TRIM44: variants seen among roughly 807,000 people sequenced by gnomAD.
TRIM44 encodes tripartite motif-containing protein 44.
A neutral mutation model predicts 37.4 loss-of-function variants in TRIM44; 13 were observed. The observed-to-expected ratio is 0.35, with a 90% CI of 0.23 to 0.55. The LOEUF is 0.55. Ranked by LOEUF, TRIM44 falls within the 20% of genes least tolerant of loss-of-function variation. The pLI is 0.89. For missense variants in TRIM44, 426 were observed against 437.2 expected (o/e 0.97, Z 0.23); for synonymous variants, 175 against 157.2 (o/e 1.11, Z -0.85).
rs146595417 is a variant in TRIM44, at chr11:35,752,154, T to C, written c.1007+16709T>C. On this transcript the variant is annotated intron_variant, in intron 4 of 4. Transcript: ENST00000299413. ...GAGGAATTATTCCCAATATCTTTCT[T>C]TTTTTTTTTGCATTCCACATCCAGT... Among the ~76,000 whole-genome samples, 279 of 149,638 alleles carry C rather than the reference T, an allele frequency of 1.9e-3. 2 individuals carry two copies. The highest frequency in any genetic ancestry group is 6.5e-3 in the African/African-American group (267 of 41,142).
At chr11:35,760,115 C>G (rs1283821786) in intron 4 of TRIM44, among the ~76,000 whole-genome samples, 2 of 152,208 alleles carry the variant, frequency 1.3e-5, no homozygotes, top group Non-Finnish European at 2.9e-5. Flanking sequence ...GGCAGGCAGG[C>G]CTCCTTGAGC....
In TRIM44 at chr11:35,664,661, C is replaced by T. The variant is rs142011997; in HGVS notation, c.669+881C>T. On this transcript the variant is annotated intron_variant, in intron 1 of 4. Coordinates refer to ENST00000299413, the MANE Select transcript of TRIM44 (RefSeq NM_017583.6). ...TAACAAATACCTTGAGAGTGAAGAT[C>T]CTCTGTATTAGGTTTTCCCTTTTTT... 3.9e-5 allele frequency among the ~76,000 whole-genome samples: 6 copies of T among 152,258 alleles called. No individual in the cohort carries two copies. In the East Asian group the frequency reaches 7.7e-4, roughly 20 times the overall value.
At chr11:35,682,421 G>C (rs1851530276) in intron 1 of TRIM44, among the ~76,000 whole-genome samples, 1 of 152,162 alleles carries the variant, frequency 6.6e-6, no homozygotes, top group South Asian at 2.1e-4. Flanking sequence ...ATTGGGGCCA[G>C]AGTCCTCCAT....
intron 4 of TRIM44, among the ~76,000 whole-genome samples, chr11:35,771,227 G>A (rs1449393223): frequency 6.6e-6 from 1 of 152,204 alleles, no homozygotes; most frequent in Non-Finnish European, 1.5e-5. Flanking sequence ...CCAGACTGAG[G>A]TGGTCTCATA....
chr11:35,778,312 C>G (rs1227833569), intron 4 of TRIM44, among the ~76,000 whole-genome samples: 5 of 152,184 alleles, frequency 3.3e-5, no homozygotes, highest in Admixed American at 2.0e-4. Flanking sequence ...TCCATCAGGT[C>G]ATTTAAGGTG....
intron 4 of TRIM44, among the ~76,000 whole-genome samples, chr11:35,786,782 G>A (rs1210645033): frequency 2.6e-5 from 4 of 152,064 alleles, no homozygotes; most frequent in Non-Finnish European, 4.4e-5. Flanking sequence ...CGGTGTTAGC[G>A]AAAGGTTTCC....
At chr11:35,793,196 C>T (rs958194434) in intron 4 of TRIM44, among the ~76,000 whole-genome samples, 5 of 149,076 alleles carry the variant, frequency 3.4e-5, no homozygotes, top group South Asian at 2.1e-4. Context: ...TCTAGCTGTG[C>T]GGCTTCTTTT....
chr11:35,758,825 G>A (rs1852684006), intron 4 of TRIM44, among the ~76,000 whole-genome samples: 1 of 152,136 alleles, frequency 6.6e-6, no homozygotes, highest in Non-Finnish European at 1.5e-5. Context: ...TTGAGTATTG[G>A]CCCCCACTCT....
chr11:35,725,066 TCACACACACACACA>T lies in TRIM44; in HGVS notation c.748-832_748-819del, dbSNP rs59413888. ...GGTTAACTAGGAGACATGCACACAC[TCACACACACACACA>T]CACACACACACACACACACACACAC... is the stretch of plus-strand genomic sequence containing the variant. On this transcript the variant is annotated intron_variant, in intron 2 of 4. Coordinates refer to ENST00000299413, the MANE Select transcript of TRIM44 (RefSeq NM_017583.6). Among the ~76,000 whole-genome samples, 35 of 141,164 alleles carry T rather than the reference TCACACACACACACA, an allele frequency of 2.5e-4. No individual in the cohort carries two copies. In the South Asian group the frequency reaches 7.8e-3, roughly 31 times the overall value. 92.6% of individuals were successfully genotyped at this position (141,164 alleles called of 152,430 possible). A position where few individuals can be genotyped will look rare whatever the true frequency, so the allele number is the denominator to read the frequency against.
intron 4 of TRIM44, among the ~76,000 whole-genome samples, chr11:35,739,968 G>T (rs141650378): frequency 6.6e-6 from 1 of 151,856 alleles, no homozygotes; most frequent in Non-Finnish European, 1.5e-5. Context: ...GCATGGTGGC[G>T]TGTGCCTATA....
intron 2 of TRIM44, among the ~76,000 whole-genome samples, chr11:35,711,563 T>A (rs1326863259): frequency 6.6e-6 from 1 of 151,242 alleles, no homozygotes; most frequent in Non-Finnish European, 1.5e-5. Flanking sequence ...AAGTGTTGAG[T>A]ACATTAAGGA....
intron 4 of TRIM44, among the ~76,000 whole-genome samples, chr11:35,763,282 A>C (rs571119834): frequency 3.3e-4 from 50 of 152,234 alleles, no homozygotes; most frequent in African/African-American, 1.1e-3. Context: ...CCACTAGATT[A>C]GAACATTATT....
intron 4 of TRIM44, among the ~76,000 whole-genome samples, chr11:35,770,943 C>T (rs575740091): frequency 6.6e-6 from 1 of 152,262 alleles, no homozygotes; most frequent in Non-Finnish European, 1.5e-5. Flanking sequence ...AACGCTAAGC[C>T]CAATTAACTC....
At chr11:35,704,186 G>T (rs58389286) in intron 2 of TRIM44, among the ~76,000 whole-genome samples, 1,631 of 152,248 alleles carry the variant, frequency 0.011, 33 homozygotes, top group African/African-American at 0.037. Context: ...TGAAGGAAAT[G>T]AAGCAAGAAG....
chr11:35,796,002 A>G (rs1853280467), intron 4 of TRIM44, among the ~76,000 whole-genome samples: 1 of 152,186 alleles, frequency 6.6e-6, no homozygotes, highest in Non-Finnish European at 1.5e-5. Flanking sequence ...CACTATTTCC[A>G]AGTACGAACA....
intron 4 of TRIM44, among the ~76,000 whole-genome samples, chr11:35,742,145 G>A (rs1852404851): frequency 6.6e-6 from 1 of 151,698 alleles, no homozygotes; most frequent in Admixed American, 6.6e-5. Flanking sequence ...GTCTCACTTT[G>A]TTCCCCAAGC....
In TRIM44 at chr11:35,663,742, C is replaced by A; in HGVS notation, c.631C>A (p.Gln211Lys). The A allele has an allele frequency of 6.2e-7, 1 of 1,614,048 alleles. No individual in the cohort carries two copies. The highest frequency in any genetic ancestry group is 8.5e-7 in the Non-Finnish European group (1 of 1,180,016). Residue 211 changes from glutamine (Q) to lysine (K), a missense_variant, in exon 1 of 5, where the codon CAA becomes AAA. This residue lies in a region of TRIM44 where 331 missense variants were observed against 303.0 expected (regional missense o/e 1.09). Coordinates refer to ENST00000299413, the MANE Select transcript of TRIM44 (RefSeq NM_017583.6). ...CPVIGAHQGH[Q>K]LSTLDEAFEE... ...AGTCATTGGGGCTCACCAGGGCCAC[C>A]AACTCTCCACCCTAGACGAAGCCTT...
At position 35,726,086 on chromosome 11, in the gene TRIM44, G is replaced by A. The variant is rs1206270200; in HGVS notation, c.910G>A (p.Asp304Asn). ...EILADIQSHM[D>N]RLMTQMAQAK... ...ACTGGCAGACATCCAATCCCACATG[G>A]ATAGGTTGATGACTCAGATGGCCCA... The change falls in exon 3 of 5, where the codon GAT (aspartate) becomes AAT (asparagine). Residue 304 changes from aspartate to asparagine, a missense_variant. Physicochemically the swap from Asp to Asn is conservative, Grantham distance 23. Transcript: ENST00000299413. 1 of 1,614,118 alleles carries A rather than the reference G, an allele frequency of 6.2e-7. No individual in the cohort carries two copies. The highest frequency in any genetic ancestry group is 1.1e-5 in the South Asian group (1 of 91,074).
intron 4 of TRIM44, among the ~76,000 whole-genome samples, chr11:35,805,216 G>A (rs1403174229): frequency 6.6e-6 from 1 of 152,166 alleles, no homozygotes; most frequent in Non-Finnish European, 1.5e-5. Context: ...ATAATAGGAA[G>A]AATGGGTGAG....
Sources: allele counts gnomAD v4.1 joint callset (sites outside exome capture counted in the v4.1 genomes callset), GRCh38; gene constraint gnomAD v4.1.1; regional missense constraint gnomAD v4.1.1; transcripts MANE v1.5; gene names NCBI Gene and HGNC (gene_info 2026-07-23, HGNC 2026-07-21).